The following SPOCK3 variants were observed in gnomAD, a reference collection of about 807,000 sequenced individuals.
SPOCK3 encodes SPARC (osteonectin), cwcv and kazal like domains proteoglycan 3, also known as testican-3.
SPOCK3 carries 30 observed loss-of-function variants against 56.6 expected under a neutral mutation model. That is an observed-to-expected ratio of 0.53 (90% CI 0.40 to 0.72). The LOEUF is 0.72. Among genes scored for constraint, SPOCK3 ranks in the 30% least tolerant of loss-of-function variants. The probability of loss-of-function intolerance (pLI) is 0.00; values close to 1 mark genes in which losing one functional copy is unlikely to be tolerated. For synonymous variants in SPOCK3, 196 were observed against 183.3 expected, an observed-to-expected ratio of 1.07 and a Z score of -0.56; for missense variants, 527 against 530.0, an observed-to-expected ratio of 0.99 and a Z score of 0.06.
intron 4 of SPOCK3, among the ~76,000 whole-genome samples, chr4:166,973,715 T>C (rs1745633043): frequency 6.6e-6 from 1 of 152,156 alleles, no homozygotes; most frequent in South Asian, 2.1e-4. Context: ...AAATACACTG[T>C]CGCTAGACAA....
At chr4:167,089,774 T>C (rs983953435) in intron 2 of SPOCK3, among the ~76,000 whole-genome samples, 1 of 152,210 alleles carries the variant, frequency 6.6e-6, no homozygotes, top group Non-Finnish European at 1.5e-5. Context: ...GAGAAAGTTC[T>C]TTCATATCCC....
At chr4:167,150,097 C>T (rs1764289893) in intron 2 of SPOCK3, among the ~76,000 whole-genome samples, 1 of 152,056 alleles carries the variant, frequency 6.6e-6, no homozygotes. Flanking sequence ...CAAAGAGACA[C>T]CTACGCAGTA....
chr4:166,770,200 C>T (rs2126565181), intron 7 of SPOCK3, among the ~76,000 whole-genome samples: 1 of 152,220 alleles, frequency 6.6e-6, no homozygotes, highest in African/African-American at 2.4e-5. Context: ...GTCCTGCCCC[C>T]ACTGTCCGAT....
chr4:167,116,552 AT>A (rs1761359647), intron 2 of SPOCK3, among the ~76,000 whole-genome samples: 2 of 122,710 alleles, frequency 1.6e-5, no homozygotes. Flanking sequence ...AAGTATATAT[AT>A]GAGTATATAT....
intron 2 of SPOCK3, among the ~76,000 whole-genome samples, chr4:167,071,471 A>G (rs1035106826): frequency 8.7e-5 from 13 of 150,254 alleles, no homozygotes; most frequent in Non-Finnish European, 1.5e-4. Context: ...ATTCCCACCT[A>G]TGAGTGAGAA....
chr4:167,087,007 A>G (rs1405276227), intron 2 of SPOCK3, among the ~76,000 whole-genome samples: 1 of 152,154 alleles, frequency 6.6e-6, no homozygotes, highest in Non-Finnish European at 1.5e-5. Flanking sequence ...CAGGAATAGC[A>G]GACTATAGTA....
chr4:166,887,053 T>G (rs1169494784), intron 6 of SPOCK3, among the ~76,000 whole-genome samples: 1 of 152,192 alleles, frequency 6.6e-6, no homozygotes, highest in Admixed American at 6.5e-5. Flanking sequence ...CTTGATGATA[T>G]GACTTTTAAA....
intron 3 of SPOCK3, among the ~76,000 whole-genome samples, chr4:167,044,914 A>C (rs1408071634): frequency 6.6e-6 from 1 of 152,032 alleles, no homozygotes; most frequent in African/African-American, 2.4e-5. Flanking sequence ...CAGTCTATAG[A>C]TGTCAATTTT....
At chr4:167,199,416 C>T (rs1339782155) in intron 2 of SPOCK3, among the ~76,000 whole-genome samples, 2 of 152,002 alleles carry the variant, frequency 1.3e-5, no homozygotes, top group African/African-American at 4.8e-5. Flanking sequence ...CACTCCATCC[C>T]TGGGTTACCC....
At chr4:166,991,598 G>A (rs1227018390) in intron 4 of SPOCK3, among the ~76,000 whole-genome samples, 1 of 151,902 alleles carries the variant, frequency 6.6e-6, no homozygotes, top group Non-Finnish European at 1.5e-5. Context: ...TCACACTCAT[G>A]GCCTCAAGTC....
chr4:167,116,696 GTA>G (rs1352081659), intron 2 of SPOCK3, among the ~76,000 whole-genome samples: 3 of 77,698 alleles, frequency 3.9e-5, no homozygotes, highest in Admixed American at 3.1e-4. Flanking sequence ...CACACATATA[GTA>G]TATATACGTA....
chr4:166,866,548 T>C (rs1731864098), intron 6 of SPOCK3, among the ~76,000 whole-genome samples: 1 of 151,410 alleles, frequency 6.6e-6, no homozygotes, highest in Non-Finnish European at 1.5e-5. Flanking sequence ...AAATGTCTAA[T>C]ATCCAGAGTC....
At chr4:166,753,866 C>G (rs979257694) in intron 8 of SPOCK3, among the ~76,000 whole-genome samples, 3 of 151,970 alleles carry the variant, frequency 2.0e-5, no homozygotes, top group Non-Finnish European at 4.4e-5. Flanking sequence ...ATTCCATAAG[C>G]CTGATTCCAA....
chr4:166,859,626 C>G lies in SPOCK3; in HGVS notation c.589+29504G>C, dbSNP rs1017617386. On this transcript the variant is annotated intron_variant, in intron 6 of 10. Transcript: ENST00000357545. The stretch of plus-strand genomic sequence containing the variant: ...TATATGAGCTTTCTTAGAAAATTCA[C>G]GTGTCTTATAATCGACTGGAATAAA... 2.0e-5 allele frequency among the ~76,000 whole-genome samples: 3 copies of G among 152,024 alleles called. No homozygotes were observed. In the South Asian group the frequency reaches 6.2e-4, roughly 31 times the overall value.
chr4:167,220,256 C>T (rs1735769901), intron 2 of SPOCK3, among the ~76,000 whole-genome samples: 1 of 152,020 alleles, frequency 6.6e-6, no homozygotes, highest in South Asian at 2.1e-4. Flanking sequence ...AAATTCTCTT[C>T]AGCCAAGAAA....
intron 8 of SPOCK3, among the ~76,000 whole-genome samples, chr4:166,747,380 A>C (rs987324075): frequency 2.3e-4 from 35 of 152,328 alleles, no homozygotes; most frequent in Non-Finnish European, 4.6e-4. Flanking sequence ...CCAATGACAA[A>C]AACCATATGA....
At chr4:167,097,254 C>T (rs1404703264) in intron 2 of SPOCK3, among the ~76,000 whole-genome samples, 1 of 151,688 alleles carries the variant, frequency 6.6e-6, no homozygotes, top group African/African-American at 2.4e-5. Context: ...CTTTAAACCT[C>T]TTGTTTTCTG....
chr4:167,026,578 T>G (rs997781459), intron 3 of SPOCK3, among the ~76,000 whole-genome samples: 8 of 152,004 alleles, frequency 5.3e-5, no homozygotes, highest in Non-Finnish European at 1.2e-4. Context: ...TATCACTATA[T>G]AGTAGTAATT....
At chr4:167,131,360 G>A (rs1294459701) in intron 2 of SPOCK3, among the ~76,000 whole-genome samples, 10 of 152,138 alleles carry the variant, frequency 6.6e-5, no homozygotes. Context: ...GGCTGAGACG[G>A]TGAATCAACT....
Sources: allele counts gnomAD v4.1 joint callset (sites outside exome capture counted in the v4.1 genomes callset), GRCh38; gene constraint gnomAD v4.1.1; transcripts MANE v1.5; gene names NCBI Gene and HGNC (gene_info 2026-07-23, HGNC 2026-07-21).